Variants in TOGARAM2 observed in about 807,000 individuals in gnomAD.
TOGARAM2 encodes TOG array regulator of axonemal microtubules protein 2.
In TOGARAM2, 85 loss-of-function variants were observed where a neutral mutation model predicts 93.3. The observed-to-expected ratio is 0.91, with a 90% CI of 0.76 to 1.09. The LOEUF is 1.09. TOGARAM2 is among the 50% of genes least tolerant of loss of function. The pLI is 0.00. For missense variants in TOGARAM2, 1,277 were observed against 1,334.5 expected (o/e 0.96, Z 0.67); for synonymous variants, 593 against 552.8 (o/e 1.07, Z -1.02).
chr2:29,021,609 T>C (rs1200495542), intron 10 of TOGARAM2, among the ~76,000 whole-genome samples: 2 of 152,228 alleles, frequency 1.3e-5, no homozygotes, highest in African/African-American at 4.8e-5. Flanking sequence ...GCATCTGGAC[T>C]GTGTGGGTGC....
chr2:29,038,431 A>G (rs1215111281), intron 18 of TOGARAM2, among the ~76,000 whole-genome samples: 1 of 152,160 alleles, frequency 6.6e-6, no homozygotes, highest in Non-Finnish European at 1.5e-5. Context: ...CCCTGGCAAA[A>G]GGCTCAGGTG....
At chr2:29,034,588 C>G (rs970778663) in intron 16 of TOGARAM2, among the ~76,000 whole-genome samples, 2 of 152,206 alleles carry the variant, frequency 1.3e-5, no homozygotes, top group Non-Finnish European at 2.9e-5. Context: ...TGGATGGGAC[C>G]TGGGTGTAGG....
At chr2:28,975,982 A>G (rs957741228) in intron 1 of TOGARAM2, among the ~76,000 whole-genome samples, 2 of 152,228 alleles carry the variant, frequency 1.3e-5, no homozygotes, top group Admixed American at 1.3e-4. Flanking sequence ...TGTACATATT[A>G]TAAGTATGTG....
chr2:28,990,195 C>A (rs904337325), intron 1 of TOGARAM2, among the ~76,000 whole-genome samples: 1 of 152,122 alleles, frequency 6.6e-6, no homozygotes, highest in African/African-American at 2.4e-5. Flanking sequence ...CTAAACCCTG[C>A]GTATAATCAG....
At chr2:28,992,175 A>G (rs553019202) in intron 1 of TOGARAM2, among the ~76,000 whole-genome samples, 1 of 152,006 alleles carries the variant, frequency 6.6e-6, no homozygotes. Context: ...CCTGATTCTG[A>G]TTTTTATAGT....
At chr2:29,028,693 A>G (rs1024849973) in intron 14 of TOGARAM2, among the ~76,000 whole-genome samples, 1 of 151,910 alleles carries the variant, frequency 6.6e-6, no homozygotes, top group Non-Finnish European at 1.5e-5. Context: ...ACAGCAGATG[A>G]TGGCTGCCCC....
intron 1 of TOGARAM2, among the ~76,000 whole-genome samples, chr2:28,969,897 C>G (rs989036681): frequency 7.3e-5 from 11 of 150,608 alleles, no homozygotes; most frequent in African/African-American, 2.7e-4. Context: ...ACCACAACCT[C>G]TGCATCCCGG....
chr2:28,991,895 G>A (rs561792954), intron 1 of TOGARAM2, among the ~76,000 whole-genome samples: 83 of 152,302 alleles, frequency 5.4e-4, no homozygotes, highest in African/African-American at 1.9e-3. Flanking sequence ...ACCCCGGGTC[G>A]CCCCATTCCC....
chr2:29,002,874 C>T (rs1281568692), intron 5 of TOGARAM2, 127 bp downstream of exon 5: 1 of 869,266 alleles, frequency 1.2e-6, no homozygotes, highest in Non-Finnish European at 1.8e-6. Flanking sequence ...GTCTTGAGGT[C>T]TGCAGTGAGG....
Position 29,043,535 on chromosome 2 carries a change from C to G in TOGARAM2, c.2636-1789C>G, listed in dbSNP as rs576513996. ...AGAAGTCTGGCCTGGAGAAGGTCAG[C>G]TCCTGGGTCCCAGGATACACGTGCT... On this transcript the variant is annotated intron_variant, in intron 18 of 19. Transcript: ENST00000379558. Among the ~76,000 whole-genome samples the G allele has an allele frequency of 1.7e-4, 24 of 138,488 alleles. 1 individual carries two copies. In the South Asian group the frequency reaches 2.6e-3, roughly 15 times the overall value. 90.9% of individuals were successfully genotyped at this position (138,488 alleles called of 152,430 possible).
intron 11 of TOGARAM2, 37 bp downstream of exon 11, chr2:29,022,345 C>A: frequency 6.2e-7 from 1 of 1,609,290 alleles, no homozygotes; most frequent in South Asian, 1.1e-5. Flanking sequence ...GTGTTCTGGC[C>A]GGAAGCAGGG....
At chr2:28,978,396 A>G (rs116739666), upstream of TOGARAM2, among the ~76,000 whole-genome samples, 1,647 of 152,236 alleles carry the variant, frequency 0.011, 43 homozygotes, top group African/African-American at 0.038. Flanking sequence ...TGGATATAGG[A>G]TGCTCAGGTC....
At position 28,998,266 on chromosome 2, in the gene TOGARAM2, G is replaced by T; in HGVS notation, c.139+13G>T. 6.3e-7 allele frequency: 1 copy of T among 1,586,342 alleles called. No homozygotes were observed. The highest frequency in any genetic ancestry group is 1.1e-5 in the South Asian group (1 of 88,128). ...CCTCATGGAGAAGGTGAGATGGGAA[G>T]ACCTCACCTGGTCAGGGCCCCTGGC... On this transcript the variant is annotated intron_variant, in intron 3 of 19. Coordinates refer to ENST00000379558, the MANE Select transcript of TOGARAM2 (RefSeq NM_199280.4).
At chr2:29,027,186 A>T (rs891698013) in intron 14 of TOGARAM2, among the ~76,000 whole-genome samples, 175 bp downstream of exon 14, 6 of 152,162 alleles carry the variant, frequency 3.9e-5, no homozygotes, top group Non-Finnish European at 5.9e-5. Flanking sequence ...AGCCAAGCCC[A>T]TTCAGGGAGG....
At chr2:29,035,684 A>G (rs781032605) in intron 17 of TOGARAM2, 28 bp downstream of exon 17, 1 of 1,361,224 alleles carries the variant, frequency 7.3e-7, no homozygotes, top group Non-Finnish European at 9.6e-7. Flanking sequence ...TTACTCTCCC[A>G]CCTGTCTCTC....
At chr2:28,961,590 C>G (rs1671805950) in intron 1 of TOGARAM2, among the ~76,000 whole-genome samples, 1 of 152,230 alleles carries the variant, frequency 6.6e-6, no homozygotes, top group Admixed American at 6.5e-5. Flanking sequence ...ATCTGCCCGC[C>G]TTGGCCTCCC....
At chr2:28,960,295 C>T (rs1671785017) in intron 1 of TOGARAM2, among the ~76,000 whole-genome samples, 1 of 152,288 alleles carries the variant, frequency 6.6e-6, no homozygotes, top group South Asian at 2.1e-4. Flanking sequence ...CCTGCAATAA[C>T]TACAATACCA....
rs368020387 is a variant in TOGARAM2 at position 28,991,769 on chromosome 2, C to A, written c.-110-2956C>A. On this transcript the variant is annotated intron_variant, in intron 1 of 19. Coordinates refer to ENST00000379558, the MANE Select transcript of TOGARAM2 (RefSeq NM_199280.4). ...GGGCCAGCCCTAGCTAGCTTTTGTTCCCTTTCCACTTGACACTTGAGTCCC... is the reference window on the plus strand; with the variant it reads ...GGGCCAGCCCTAGCTAGCTTTTGTTACCTTTCCACTTGACACTTGAGTCCC... 7.2e-5 allele frequency among the ~76,000 whole-genome samples: 11 copies of A among 152,288 alleles called. No individual in the cohort carries two copies. In the East Asian group the frequency reaches 1.9e-3, roughly 27 times the overall value.
rs72786178 is a variant in TOGARAM2 at position 29,002,636 on chromosome 2, T to A, written c.528T>A (p.Pro176=). The A allele has an allele frequency of 6.2e-7, 1 of 1,613,562 alleles. No individual in the cohort carries two copies. The highest frequency in any genetic ancestry group is 1.3e-5 in the African/African-American group (1 of 74,818). ...QRLLRVPRPM[P]LIQSIPTTPE... The stretch of plus-strand genomic sequence containing the variant: ...TGCTGAGGGTGCCCAGGCCGATGCC[T>A]CTCATCCAGAGCATCCCTACCACCC... Residue 176 remains proline (P), a synonymous_variant, in exon 5 of 20, where the codon CCT becomes CCA. Coordinates refer to ENST00000379558, the MANE Select transcript of TOGARAM2 (RefSeq NM_199280.4).
Sources: allele counts gnomAD v4.1 joint callset (sites outside exome capture counted in the v4.1 genomes callset), GRCh38; gene constraint gnomAD v4.1.1; transcripts MANE v1.5; gene names NCBI Gene and HGNC (gene_info 2026-07-23, HGNC 2026-07-21).